ERC2: variants seen among roughly 807,000 people sequenced by gnomAD.
ERC2 encodes the protein ELKS/RAB6-interacting/CAST family member 2.
Under a neutral mutation model 114.8 loss-of-function variants are expected in ERC2, and 42 were observed. The observed-to-expected ratio is 0.37, with a 90% CI of 0.29 to 0.47. The LOEUF is 0.47. Among genes scored for constraint, ERC2 ranks in the 20% least tolerant of loss-of-function variants. ERC2 has a pLI of 0.99. For synonymous variants in ERC2, 454 were observed against 425.5 expected (o/e 1.07, Z -0.82); for missense variants, 939 against 1,150.7 (o/e 0.82, Z 2.66).
chr3:55,563,365 G>A (rs1285557256), intron 17 of ERC2, among the ~76,000 whole-genome samples: 3 of 145,420 alleles, frequency 2.1e-5, no homozygotes, highest in South Asian at 2.2e-4. Context: ...GACCATATCT[G>A]CAATAATCAA....
chr3:56,262,435 T>A (rs1412398696), intron 3 of ERC2, among the ~76,000 whole-genome samples: 2 of 152,222 alleles, frequency 1.3e-5, no homozygotes, highest in African/African-American at 4.8e-5. Flanking sequence ...GCAAAGTAAC[T>A]ATTTGAGTAG....
intron 17 of ERC2, among the ~76,000 whole-genome samples, chr3:55,589,009 G>A (rs534294237): frequency 3.9e-5 from 6 of 152,112 alleles, no homozygotes; most frequent in East Asian, 3.9e-4. Context: ...GGAGTCAGCC[G>A]GACCTGAGTT....
In ERC2 at chr3:55,634,449, A is replaced by G. The variant is rs186029961; in HGVS notation, c.*39+49345T>C. On this transcript the variant is annotated intron_variant, in intron 17 of 17. Transcript: ENST00000288221. ...CGGCTGTAACATAATCCTGGCTGAG[A>G]TTCACATGAAAGATGTAATCTTGAC... Among the ~76,000 whole-genome samples, 558 of 152,278 alleles carry G rather than the reference A, an allele frequency of 3.7e-3. 5 individuals carry two copies. Among genetic ancestry groups the G allele is most frequent in the African/African-American group, 0.013 (530 of 41,552 alleles).
intron 12 of ERC2, among the ~76,000 whole-genome samples, chr3:55,952,461 T>C (rs1175254682): frequency 1.3e-5 from 2 of 152,014 alleles, no homozygotes; most frequent in African/African-American, 2.4e-5. Flanking sequence ...TTGGTTAGTA[T>C]AAAGATGTTA....
chr3:56,411,269 G>A (rs1046839736), intron 2 of ERC2, among the ~76,000 whole-genome samples: 20 of 151,428 alleles, frequency 1.3e-4, no homozygotes, highest in African/African-American at 3.6e-4. Context: ...GAAAGATGTC[G>A]AAATATTAAC....
chr3:55,685,100 T>C (rs2148782711), intron 16 of ERC2, among the ~76,000 whole-genome samples: 1 of 152,362 alleles, frequency 6.6e-6, no homozygotes, highest in Non-Finnish European at 1.5e-5. Context: ...CAAAGATTTA[T>C]TTTTCAACTG....
At chr3:56,263,036 G>A (rs1003052856) in intron 3 of ERC2, among the ~76,000 whole-genome samples, 20 of 152,262 alleles carry the variant, frequency 1.3e-4, no homozygotes, top group African/African-American at 4.6e-4. Context: ...TATAATACTA[G>A]CCCATTTCCA....
chr3:55,533,432 T>C (rs2053793567), intron 17 of ERC2, among the ~76,000 whole-genome samples: 1 of 152,234 alleles, frequency 6.6e-6, no homozygotes, highest in African/African-American at 2.4e-5. Flanking sequence ...GCATGCCCTG[T>C]ACCAGGCTTG....
At chr3:55,586,935 TC>T (rs1337933064) in intron 17 of ERC2, among the ~76,000 whole-genome samples, 3 of 152,208 alleles carry the variant, frequency 2.0e-5, no homozygotes, top group Non-Finnish European at 4.4e-5. Context: ...GAAATCTTCC[TC>T]CCACTCATCC....
chr3:55,803,203 T>C (rs556828316), intron 14 of ERC2, among the ~76,000 whole-genome samples: 1 of 152,336 alleles, frequency 6.6e-6, no homozygotes, highest in African/African-American at 2.4e-5. Context: ...CTTCCTACTA[T>C]TCTAAACTGA....
At chr3:56,323,006 A>T (rs570934580) in intron 2 of ERC2, among the ~76,000 whole-genome samples, 2 of 152,276 alleles carry the variant, frequency 1.3e-5, no homozygotes, top group Non-Finnish European at 2.9e-5. Context: ...TTACCTTGAG[A>T]GTAGGTTGTT....
chr3:56,363,527 G>T (rs553203122), intron 2 of ERC2, among the ~76,000 whole-genome samples: 12 of 152,238 alleles, frequency 7.9e-5, no homozygotes, highest in Admixed American at 2.0e-4. Context: ...GAAGCAAATA[G>T]GGCAGTGACA....
intron 13 of ERC2, among the ~76,000 whole-genome samples, chr3:55,889,477 T>C (rs1416147148): frequency 6.6e-6 from 1 of 152,118 alleles, no homozygotes; most frequent in African/African-American, 2.4e-5. Context: ...GACTATCAAA[T>C]ATCCACGGTT....
At chr3:55,718,955 A>G (rs2064286072) in intron 15 of ERC2, among the ~76,000 whole-genome samples, 1 of 152,218 alleles carries the variant, frequency 6.6e-6, no homozygotes, top group African/African-American at 2.4e-5. Flanking sequence ...GATTCACCGA[A>G]ATTTCCACCA....
intron 4 of ERC2, among the ~76,000 whole-genome samples, chr3:56,170,513 T>TTAGTTCCTC (rs1484245433): frequency 2.6e-5 from 4 of 151,970 alleles, no homozygotes; most frequent in African/African-American, 9.7e-5. Context: ...AAGCTCACCC[T>TTAGTTCCTC]TAGTTCCTCT....
At chr3:55,662,475 A>C (rs1389883047) in intron 17 of ERC2, among the ~76,000 whole-genome samples, 1 of 152,252 alleles carries the variant, frequency 6.6e-6, no homozygotes, top group East Asian at 1.9e-4. Context: ...ATCACAGAAG[A>C]AGCTGAATAA....
chr3:56,235,086 G>A (rs2050857281), intron 3 of ERC2, among the ~76,000 whole-genome samples: 1 of 152,146 alleles, frequency 6.6e-6, no homozygotes, highest in South Asian at 2.1e-4. Context: ...TAGAACAACT[G>A]CTTTCACAAA....
intron 13 of ERC2, among the ~76,000 whole-genome samples, chr3:55,931,765 G>A (rs887239041): frequency 6.6e-6 from 1 of 151,638 alleles, no homozygotes; most frequent in African/African-American, 2.4e-5. Context: ...AAAAAAAAAA[G>A]AAAGGAGGAA....
chr3:55,663,752 T>G (rs575156339), intron 17 of ERC2, among the ~76,000 whole-genome samples: 1 of 152,360 alleles, frequency 6.6e-6, no homozygotes, highest in South Asian at 2.1e-4. Flanking sequence ...TAAATTTACT[T>G]TGGATTTACC....
Sources: gnomAD v4.1 joint callset for allele counts (sites outside exome capture counted in the v4.1 genomes callset) on GRCh38, gnomAD v4.1.1 for gene constraint, MANE v1.5 for transcripts, NCBI Gene and HGNC (gene_info 2026-07-23, HGNC 2026-07-21) for gene names.